RGS6: variants seen among roughly 807,000 people sequenced by gnomAD.
RGS6 encodes the protein regulator of G protein signaling 6.
RGS6 carries 30 observed loss-of-function variants against 78.5 expected under a neutral mutation model. The observed-to-expected ratio is 0.38, with a 90% CI of 0.29 to 0.52. The LOEUF (loss-of-function observed/expected upper bound fraction) is 0.52. Among genes scored for constraint, RGS6 ranks in the 20% least tolerant of loss-of-function variants. The pLI is 0.85. For synonymous variants in RGS6, 206 were observed against 206.0 expected, an observed-to-expected ratio of 1.00 and a Z score of 0.00; for missense variants, 495 against 609.7, an observed-to-expected ratio of 0.81 and a Z score of 1.98.
At chr14:71,871,274 C>G in the RGS6 span, among the ~76,000 whole-genome samples, 14 of 152,226 alleles carry the variant, frequency 9.2e-5, no homozygotes, top group East Asian at 2.7e-3. Context: ...GGGGACATCC[C>G]AAACCAGGGC....
At chr14:71,923,611 C>T in the RGS6 span, among the ~76,000 whole-genome samples, 81 of 152,124 alleles carry the variant, frequency 5.3e-4, no homozygotes, top group Non-Finnish European at 9.0e-4. Flanking sequence ...GCAATAAAAA[C>T]GTATGAACTG....
At position 72,240,270 on chromosome 14, in the gene RGS6, C is replaced by T. The variant is rs188028143; in HGVS notation, c.85-111825C>T. 3.1e-3 allele frequency among the ~76,000 whole-genome samples: 473 copies of T among 152,242 alleles called. 1 individual carries two copies. The highest frequency in any genetic ancestry group is 0.011 in the African/African-American group (456 of 41,536). Reference sequence around the variant, plus strand: ...CCTTGATCCTAATCTGTCTGATCTCCCATCCTCATTGATAGTAAACCAGTG... The same window carrying T: ...CCTTGATCCTAATCTGTCTGATCTCTCATCCTCATTGATAGTAAACCAGTG... On this transcript the variant is annotated intron_variant, in intron 2 of 17. Coordinates refer to ENST00000553525, the MANE Select transcript of RGS6 (RefSeq NM_001204424.2).
chr14:72,067,521 G>A (rs1312970282), intron 2 of RGS6, among the ~76,000 whole-genome samples: 2 of 151,550 alleles, frequency 1.3e-5, no homozygotes, highest in African/African-American at 2.4e-5. Flanking sequence ...TAATACATTT[G>A]GATTTAGCAG....
chr14:71,893,365 C>T, the RGS6 span, among the ~76,000 whole-genome samples: 1 of 152,222 alleles, frequency 6.6e-6, no homozygotes, highest in African/African-American at 2.4e-5. Context: ...GGGCCATTAC[C>T]TTCTCTCTAG....
intron 2 of RGS6, among the ~76,000 whole-genome samples, chr14:71,995,128 T>G (rs1410343179): frequency 6.6e-6 from 1 of 152,176 alleles, no homozygotes; most frequent in Admixed American, 6.6e-5. Flanking sequence ...CTGAACATCT[T>G]TCCTCTCCAA....
chr14:72,075,880 C>T (rs1161908954), intron 2 of RGS6, among the ~76,000 whole-genome samples: 1 of 152,218 alleles, frequency 6.6e-6, no homozygotes, highest in Non-Finnish European at 1.5e-5. Context: ...TCAGTTGTCT[C>T]TATTCGTCTG....
chr14:72,276,810 A>G (rs905312859), intron 2 of RGS6, among the ~76,000 whole-genome samples: 8 of 152,148 alleles, frequency 5.3e-5, no homozygotes, highest in Non-Finnish European at 1.2e-4. Flanking sequence ...TCTTTAATAA[A>G]TTACCCAGTC....
At chr14:71,885,611 G>A in the RGS6 span, among the ~76,000 whole-genome samples, 501 of 152,314 alleles carry the variant, frequency 3.3e-3, 3 homozygotes, top group African/African-American at 0.011. Context: ...ACATCAAAGA[G>A]CCCCAGGAGG....
chr14:72,285,183 G>A (rs1012230835), intron 2 of RGS6, among the ~76,000 whole-genome samples: 2 of 152,152 alleles, frequency 1.3e-5, no homozygotes, highest in African/African-American at 4.8e-5. Flanking sequence ...GGACTATAGT[G>A]AGGGCATGGT....
chr14:72,187,808 C>T (rs2097267257), intron 2 of RGS6, among the ~76,000 whole-genome samples: 1 of 152,160 alleles, frequency 6.6e-6, no homozygotes, highest in African/African-American at 2.4e-5. Context: ...TGTGAATTCA[C>T]TACTTGCTAA....
At chr14:72,112,175 A>G (rs975809170) in intron 2 of RGS6, among the ~76,000 whole-genome samples, 16 of 152,220 alleles carry the variant, frequency 1.1e-4, no homozygotes, top group African/African-American at 3.9e-4. Flanking sequence ...TCAGCCACAG[A>G]TGGCCCGGGA....
chr14:72,324,462 T>C (rs1317503936), intron 2 of RGS6, among the ~76,000 whole-genome samples: 2 of 152,276 alleles, frequency 1.3e-5, no homozygotes, highest in East Asian at 3.9e-4. Context: ...ACACATTAAC[T>C]CGCCATTTAC....
At chr14:72,166,074 C>G (rs1448694599) in intron 2 of RGS6, among the ~76,000 whole-genome samples, 1 of 149,394 alleles carries the variant, frequency 6.7e-6, no homozygotes, top group Non-Finnish European at 1.5e-5. Flanking sequence ...CAAACCATCC[C>G]TTCTAGTCCC....
intron 10 of RGS6, 103 bp downstream of exon 10, chr14:72,474,802 G>A: frequency 1.1e-6 from 1 of 938,030 alleles, no homozygotes; most frequent in Non-Finnish European, 1.6e-6. Context: ...ACCACCTTTT[G>A]TCATTTGAAA....
Position 72,100,061 on chromosome 14 carries a change from G to A in RGS6, c.84+135186G>A, listed in dbSNP as rs538605945. Among the ~76,000 whole-genome samples, 104 of 152,320 alleles carry A rather than the reference G, an allele frequency of 6.8e-4. 1 individual carries two copies. The highest frequency in any genetic ancestry group is 2.4e-3 in the African/African-American group (99 of 41,568). ...CAGGAAAATTGGTTGAGACTGTTGT[G>A]TACAGGGGAGAGTTGCTTGGGGCTT... On this transcript the variant is annotated intron_variant, in intron 2 of 17. Coordinates refer to ENST00000553525, the MANE Select transcript of RGS6 (RefSeq NM_001204424.2).
intron 13 of RGS6, among the ~76,000 whole-genome samples, chr14:72,496,082 A>C (rs2096640930): frequency 6.6e-6 from 1 of 152,222 alleles, no homozygotes; most frequent in African/African-American, 2.4e-5. Context: ...AATGGAAAAA[A>C]TCTTATAAAA....
At chr14:72,319,350 ATTT>A (rs755289519) in intron 2 of RGS6, among the ~76,000 whole-genome samples, 3 of 142,274 alleles carry the variant, frequency 2.1e-5, no homozygotes, top group Admixed American at 7.0e-5. Context: ...GAAGGGGGAA[ATTT>A]TTTTTTTTTT....
chr14:72,349,430 A>T (rs1302317010), intron 2 of RGS6, among the ~76,000 whole-genome samples: 1 of 152,160 alleles, frequency 6.6e-6, no homozygotes, highest in Admixed American at 6.5e-5. Flanking sequence ...CAGGCAAATC[A>T]TATGGCCAAA....
chr14:71,877,451 C>A, the RGS6 span, among the ~76,000 whole-genome samples: 2 of 152,242 alleles, frequency 1.3e-5, no homozygotes, highest in African/African-American at 4.8e-5. Flanking sequence ...GATACCCTTT[C>A]TTCCAGTTGA....
Sources: gnomAD v4.1 joint callset for allele counts (sites outside exome capture counted in the v4.1 genomes callset) on GRCh38, gnomAD v4.1.1 for gene constraint, MANE v1.5 for transcripts, NCBI Gene and HGNC (gene_info 2026-07-23, HGNC 2026-07-21) for gene names.